Variants in EIF3CL observed in about 807,000 individuals in gnomAD.
EIF3CL encodes the protein eukaryotic translation initiation factor 3 subunit C-like protein.
For missense variants in EIF3CL, 5 were observed against 56.1 expected (o/e 0.09, Z 2.91); for synonymous variants, 2 against 19.6 (o/e 0.10, Z 2.37).
At chr16:28,414,660 G>A in the EIF3CL span, 1 of 330,192 alleles carries the variant, frequency 3.0e-6, no homozygotes, top group Non-Finnish European at 6.1e-6. Flanking sequence ...GAGCTTCAAG[G>A]ACGAGCTGGA....
the EIF3CL span, among the ~76,000 whole-genome samples, chr16:28,415,630 G>C: frequency 2.5e-5 from 3 of 120,866 alleles, no homozygotes. Context: ...CCTGCCTGTA[G>C]TCCCAGATAC....
chr16:28,403,184 T>C (rs2141660905), intron 2 of EIF3CL, among the ~76,000 whole-genome samples: 1 of 120,880 alleles, frequency 8.3e-6, no homozygotes, highest in South Asian at 2.9e-4. Context: ...TTTCCTTCTG[T>C]GAGCAGTGAG....
chr16:28,405,879 GTA>G (rs2045684134), upstream of EIF3CL, among the ~76,000 whole-genome samples: 1 of 151,966 alleles, frequency 6.6e-6, no homozygotes, highest in Non-Finnish European at 1.5e-5. Context: ...CTCTCTTTGT[GTA>G]TACACACACA....
chr16:28,415,687 T>C, the EIF3CL span, among the ~76,000 whole-genome samples: 3 of 132,714 alleles, frequency 2.3e-5, no homozygotes, highest in Non-Finnish European at 4.8e-5. Context: ...AAGATGGAGT[T>C]TGCAGTGAGC....
chr16:28,402,975 G>GA (rs929614943), intron 2 of EIF3CL, among the ~76,000 whole-genome samples: 29 of 62,354 alleles, frequency 4.7e-4, no homozygotes, highest in East Asian at 1.1e-3. Flanking sequence ...CTCAAAAAAA[G>GA]AAAAAAAAAA....
chr16:28,386,330 G>A (rs1190779790), intron 15 of EIF3CL, among the ~76,000 whole-genome samples: 1 of 31,704 alleles, frequency 3.2e-5, no homozygotes, highest in Admixed American at 4.1e-4. Flanking sequence ...GAACTGACTA[G>A]ATATTTATTA....
At chr16:28,403,109 A>G (rs1164620023) in intron 2 of EIF3CL, among the ~76,000 whole-genome samples, 7 of 144,140 alleles carry the variant, frequency 4.9e-5, no homozygotes, top group South Asian at 2.2e-4. Context: ...ACCTGCGTAC[A>G]CAGCAGGTGA....
At chr16:28,416,757 G>GGA in the EIF3CL span, among the ~76,000 whole-genome samples, 1 of 113,654 alleles carries the variant, frequency 8.8e-6, no homozygotes, top group Admixed American at 9.5e-5. Flanking sequence ...AGGGAGGTGG[G>GGA]GGGGGTCAGC....
chr16:28,424,176 G>A, the EIF3CL span, among the ~76,000 whole-genome samples: 1 of 127,648 alleles, frequency 7.8e-6, no homozygotes, highest in South Asian at 2.4e-4. Flanking sequence ...TTTTAGTAGA[G>A]ACAGCGTTTC....
At chr16:28,402,810 C>A (rs2045664123) in intron 2 of EIF3CL, among the ~76,000 whole-genome samples, 1 of 74,322 alleles carries the variant, frequency 1.3e-5, no homozygotes, top group African/African-American at 4.8e-5. Context: ...AGTTCAGAAC[C>A]AGTCTAAGCA....
At chr16:28,419,249 G>A in the EIF3CL span, among the ~76,000 whole-genome samples, 48 of 151,008 alleles carry the variant, frequency 3.2e-4, no homozygotes, top group African/African-American at 5.4e-4. Flanking sequence ...CTCGTGATCC[G>A]CCTGCCTTGG....
At chr16:28,403,275 G>A (rs1339867161) in intron 2 of EIF3CL, among the ~76,000 whole-genome samples, 1 of 68,168 alleles carries the variant, frequency 1.5e-5, no homozygotes, top group Admixed American at 1.7e-4. Flanking sequence ...AGAAGCTGAT[G>A]CAACAGATCT....
chr16:28,417,153 C>T, the EIF3CL span, among the ~76,000 whole-genome samples: 2 of 138,326 alleles, frequency 1.4e-5, no homozygotes, highest in Non-Finnish European at 3.2e-5. Flanking sequence ...GGGGGGTCAG[C>T]CCCCCGCCCG....
chr16:28,413,145 G>GAA, the EIF3CL span, among the ~76,000 whole-genome samples: 1 of 72,158 alleles, frequency 1.4e-5, no homozygotes, highest in Non-Finnish European at 2.7e-5. Flanking sequence ...TCGAATTCTT[G>GAA]AAAAATTCAG....
chr16:28,419,297 C>T, the EIF3CL span, among the ~76,000 whole-genome samples: 16 of 150,862 alleles, frequency 1.1e-4, no homozygotes, highest in South Asian at 2.1e-4. Flanking sequence ...TAAGCCAGTG[C>T]GCCCAGCCCT....
chr16:28,419,088 C>T, the EIF3CL span, among the ~76,000 whole-genome samples: 11 of 141,356 alleles, frequency 7.8e-5, no homozygotes, highest in African/African-American at 2.6e-4. Context: ...CTCACTGCAA[C>T]CTCTACCTCC....
chr16:28,419,491 G>A, the EIF3CL span, among the ~76,000 whole-genome samples: 33 of 137,326 alleles, frequency 2.4e-4, no homozygotes, highest in Non-Finnish European at 4.5e-4. Context: ...ATAGATCAAC[G>A]GAGCCCTCTG....
chr16:28,410,719 C>T, the EIF3CL span, among the ~76,000 whole-genome samples: 4 of 150,300 alleles, frequency 2.7e-5, no homozygotes, highest in African/African-American at 9.7e-5. Context: ...CCCAAGTAGC[C>T]GGGACCACAG....
intron 15 of EIF3CL, among the ~76,000 whole-genome samples, chr16:28,386,792 TACACAC>T (rs1181105883): frequency 1.3e-5 from 1 of 76,250 alleles, no homozygotes; most frequent in African/African-American, 5.3e-5. Flanking sequence ...CCCTAAAAGA[TACACAC>T]ACACACACCC....
Sources: allele counts gnomAD v4.1 joint callset (sites outside exome capture counted in the v4.1 genomes callset), GRCh38; gene constraint gnomAD v4.1.1; transcripts MANE v1.5; gene names NCBI Gene and HGNC (gene_info 2026-07-23, HGNC 2026-07-21).